ORC2: variants seen among roughly 807,000 people sequenced by gnomAD.
ORC2 encodes origin recognition complex subunit 2, also known as origin recognition complex protein 2 homolog.
Under a neutral mutation model 77.7 loss-of-function variants are expected in ORC2, and 37 were observed. The observed-to-expected ratio is 0.48, with a 90% CI of 0.37 to 0.63. The LOEUF (loss-of-function observed/expected upper bound fraction) is 0.63. ORC2 is among the 20% of genes least tolerant of loss of function. ORC2 has a pLI of 0.00. For synonymous variants in ORC2, 201 were observed against 229.5 expected (o/e 0.88, Z 1.12); for missense variants, 557 against 661.9 (o/e 0.84, Z 1.74).
intron 4 of ORC2, among the ~76,000 whole-genome samples, chr2:200,956,727 G>A (rs1413830268): frequency 1.3e-5 from 2 of 152,090 alleles, no homozygotes; most frequent in Non-Finnish European, 2.9e-5. Flanking sequence ...AGCTATGATT[G>A]TGCCATGGCA....
chr2:200,942,905 C>T (rs1389872318), intron 5 of ORC2, 128 bp from the exon 6 acceptor site: 6 of 511,160 alleles, frequency 1.2e-5, no homozygotes, highest in Non-Finnish European at 2.1e-5. Flanking sequence ...TAATCCTACC[C>T]ATATTAGGAG....
chr2:200,929,510 G>T (rs575669566), intron 11 of ORC2, among the ~76,000 whole-genome samples: 1 of 152,124 alleles, frequency 6.6e-6, no homozygotes, highest in South Asian at 2.1e-4. Context: ...ATGACTCAGG[G>T]CTGGGCGCTG....
chr2:200,953,768 T>C (rs2041409939), intron 4 of ORC2, among the ~76,000 whole-genome samples: 2 of 152,226 alleles, frequency 1.3e-5, no homozygotes, highest in Admixed American at 1.3e-4. Context: ...GGTGTGAATG[T>C]ACCTAATGCC....
intron 13 of ORC2, among the ~76,000 whole-genome samples, chr2:200,924,501 T>C (rs2040811052): frequency 2.0e-5 from 3 of 152,138 alleles, no homozygotes. Context: ...ATAAAAGTAC[T>C]ACGGAACAGA....
At chr2:200,946,824 C>T (rs138908728) in intron 5 of ORC2, among the ~76,000 whole-genome samples, 1 of 152,296 alleles carries the variant, frequency 6.6e-6, no homozygotes, top group East Asian at 1.9e-4. Flanking sequence ...CTTTATCTTT[C>T]TAATTATTAC....
chr2:200,913,213 G>T, intron 17 of ORC2, 82 bp downstream of exon 17: 1 of 1,005,824 alleles, frequency 9.9e-7, no homozygotes, highest in Non-Finnish European at 1.4e-6. Flanking sequence ...TCAAAATCAG[G>T]TCTAAGTCAA....
chr2:200,951,923 A>G (rs1051517168), intron 4 of ORC2, among the ~76,000 whole-genome samples: 15 of 152,198 alleles, frequency 9.9e-5, no homozygotes, highest in African/African-American at 3.6e-4. Flanking sequence ...TTTCTAAGAA[A>G]ACTTTCTGTA....
intron 10 of ORC2, among the ~76,000 whole-genome samples, chr2:200,933,122 C>CTTAGATTATCAATTGCAA (rs1162845782): frequency 6.6e-6 from 1 of 151,916 alleles, no homozygotes; most frequent in Non-Finnish European, 1.5e-5. Flanking sequence ...TGAGCCAGGA[C>CTTAGATTATCAATTGCAA]TTAGATTATC....
At chr2:200,953,809 G>A (rs986550671) in intron 4 of ORC2, among the ~76,000 whole-genome samples, 3 of 152,124 alleles carry the variant, frequency 2.0e-5, no homozygotes, top group South Asian at 2.1e-4. Context: ...AAATGGTTCA[G>A]ATGCTAAGCT....
chr2:200,913,470 A>G, intron 16 of ORC2, 57 bp from the exon 17 acceptor site: 1 of 1,510,434 alleles, frequency 6.6e-7, no homozygotes, highest in Admixed American at 2.0e-5. Context: ...GACCCAATAT[A>G]CAAACACCCA....
At chr2:200,915,887 GT>G (rs957788156) in intron 15 of ORC2, among the ~76,000 whole-genome samples, 20 of 152,052 alleles carry the variant, frequency 1.3e-4, no homozygotes, top group African/African-American at 4.6e-4. Context: ...TAGACACAAC[GT>G]TTTACCATGT....
At chr2:200,918,592 G>A (rs998119694) in intron 15 of ORC2, among the ~76,000 whole-genome samples, 9 of 149,714 alleles carry the variant, frequency 6.0e-5, no homozygotes, top group Non-Finnish European at 7.4e-5. Context: ...GGGTTCAAGC[G>A]ATTCTCCCAC....
At chr2:200,963,221 C>T (rs1256657474) in intron 1 of ORC2, 1 of 385,876 alleles carries the variant, frequency 2.6e-6, no homozygotes, top group African/African-American at 2.1e-5. Context: ...CCTCTCACCT[C>T]AAGTCTTAAA....
chr2:200,920,044 T>C (rs993425238), intron 15 of ORC2, among the ~76,000 whole-genome samples, 178 bp downstream of exon 15: 1 of 152,240 alleles, frequency 6.6e-6, no homozygotes, highest in African/African-American at 2.4e-5. Context: ...ACTGGGCAAT[T>C]TGATAGACTA....
intron 6 of ORC2, among the ~76,000 whole-genome samples, chr2:200,942,273 C>T (rs760972660): frequency 3.3e-5 from 5 of 152,086 alleles, no homozygotes; most frequent in African/African-American, 7.2e-5. Context: ...TAAAGAGCAA[C>T]GAAATGTACA....
At chr2:200,920,189 T>C in intron 15 of ORC2, 33 bp downstream of exon 15, 2 of 1,561,508 alleles carry the variant, frequency 1.3e-6, no homozygotes, top group Non-Finnish European at 8.7e-7. Flanking sequence ...AAATGTATAG[T>C]TTTTAAAAAA....
At chr2:200,950,116 G>A (rs1300354149) in intron 4 of ORC2, among the ~76,000 whole-genome samples, 1 of 152,118 alleles carries the variant, frequency 6.6e-6, no homozygotes, top group East Asian at 1.9e-4. Flanking sequence ...GTGATCACGA[G>A]GTCAGGAGAT....
intron 9 of ORC2, among the ~76,000 whole-genome samples, chr2:200,935,279 C>T (rs1243681811): frequency 6.6e-6 from 1 of 152,174 alleles, no homozygotes; most frequent in African/African-American, 2.4e-5. Context: ...CACATCACCA[C>T]ACCTGGCTAA....
At chr2:200,941,585 G>C (rs1020246609) in intron 6 of ORC2, among the ~76,000 whole-genome samples, 1 of 151,570 alleles carries the variant, frequency 6.6e-6, no homozygotes, top group African/African-American at 2.4e-5. Context: ...CTCCACCGGA[G>C]GATTATCACT....
Sources: allele counts gnomAD v4.1 joint callset (sites outside exome capture counted in the v4.1 genomes callset), GRCh38; gene constraint gnomAD v4.1.1; transcripts MANE v1.5; gene names NCBI Gene and HGNC (gene_info 2026-07-23, HGNC 2026-07-21).